Variants in TRPC4 observed in about 807,000 individuals in gnomAD.
TRPC4 encodes transient receptor potential cation channel subfamily C member 4.
In TRPC4, 49 loss-of-function variants were observed where a neutral mutation model predicts 99.4. The ratio of observed to expected loss-of-function variants is 0.49; its 90% CI spans 0.39 to 0.63. TRPC4 has a LOEUF of 0.63. TRPC4 is among the 20% of genes least tolerant of loss of function. TRPC4 has a pLI of 0.00. For missense variants in TRPC4, 898 were observed against 1,152.9 expected (o/e 0.78, Z 3.20); for synonymous variants, 454 against 425.9 (o/e 1.07, Z -0.81).
intron 3 of TRPC4, among the ~76,000 whole-genome samples, chr13:37,715,113 T>C (rs1954615524): frequency 6.6e-6 from 1 of 152,204 alleles, no homozygotes; most frequent in Non-Finnish European, 1.5e-5. Context: ...AGGAGTTTCA[T>C]GGTCTAAAGA....
At chr13:37,696,957 A>T (rs1328858114) in intron 3 of TRPC4, among the ~76,000 whole-genome samples, 2 of 146,262 alleles carry the variant, frequency 1.4e-5, no homozygotes, top group Non-Finnish European at 3.0e-5. Context: ...CATCTCCTAC[A>T]TCCCTCATGG....
intron 1 of TRPC4, among the ~76,000 whole-genome samples, chr13:37,863,178 G>A (rs1250590446): frequency 3.3e-5 from 5 of 151,572 alleles, no homozygotes; most frequent in South Asian, 2.1e-4. Context: ...TTCTCAGGAC[G>A]TATTTGATGT....
intron 3 of TRPC4, among the ~76,000 whole-genome samples, chr13:37,705,452 CA>C (rs368225833): frequency 0.029 from 4,408 of 151,702 alleles, 94 homozygotes; most frequent in Non-Finnish European, 0.045. Flanking sequence ...GTTATCACCA[CA>C]AAAAAAGATA....
intron 5 of TRPC4, among the ~76,000 whole-genome samples, chr13:37,671,990 C>T (rs1488076682): frequency 2.0e-5 from 3 of 152,222 alleles, no homozygotes; most frequent in Admixed American, 2.0e-4. Context: ...TACTGCTCCA[C>T]ATACCGTTTC....
chr13:37,673,631 C>G (rs1481741493), intron 5 of TRPC4, among the ~76,000 whole-genome samples: 2 of 152,040 alleles, frequency 1.3e-5, no homozygotes, highest in Admixed American at 1.3e-4. Flanking sequence ...CATGACAGAA[C>G]AAAAATGTTT....
intron 1 of TRPC4, among the ~76,000 whole-genome samples, chr13:37,826,823 T>C (rs952398237): frequency 1.3e-5 from 2 of 152,176 alleles, no homozygotes; most frequent in African/African-American, 2.4e-5. Flanking sequence ...TTGCCCTGCC[T>C]TGCTAGATTG....
chr13:37,678,628 C>G (rs1953136322), intron 4 of TRPC4, among the ~76,000 whole-genome samples: 1 of 151,918 alleles, frequency 6.6e-6, no homozygotes, highest in Non-Finnish European at 1.5e-5. Flanking sequence ...CTTCCAACAA[C>G]AAAAAAATTC....
At chr13:37,783,515 A>G (rs550516745) in intron 1 of TRPC4, among the ~76,000 whole-genome samples, 155 bp from the exon 2 acceptor site, 1 of 152,082 alleles carries the variant, frequency 6.6e-6, no homozygotes, top group East Asian at 1.9e-4. Context: ...TCAACAATAT[A>G]AATACTAAAT....
chr13:37,866,860 T>TGTA (rs1959788758), intron 1 of TRPC4, among the ~76,000 whole-genome samples: 1 of 78,692 alleles, frequency 1.3e-5, no homozygotes, highest in African/African-American at 5.2e-5. Context: ...GGGGGGCGGG[T>TGTA]ATAGGGTATA....
chr13:37,726,064 TG>T (rs1955045394), intron 3 of TRPC4, among the ~76,000 whole-genome samples: 1 of 151,882 alleles, frequency 6.6e-6, no homozygotes, highest in African/African-American at 2.4e-5. Context: ...GGCTTGGTGG[TG>T]GGCACCTGTT....
Position 37,632,412 on chromosome 13 carries a change from A to T in TRPC4, c.*4491T>A, listed in dbSNP as rs1437245148. Among the ~76,000 whole-genome samples, 1 of 152,222 alleles carries T rather than the reference A, an allele frequency of 6.6e-6. No homozygotes were observed. The highest frequency in any genetic ancestry group is 1.9e-4 in the East Asian group (1 of 5,204). ...TACATTATTTTCATACTGTCCTAGA[A>T]ATCTGGTGTGTGTTTCACACTTACA... is the stretch of plus-strand genomic sequence containing the variant. On this transcript the variant is annotated 3_prime_UTR_variant, in exon 11 of 11. Transcript: ENST00000379705.
intron 3 of TRPC4, among the ~76,000 whole-genome samples, 187 bp from the exon 4 acceptor site, chr13:37,692,522 C>T (rs1458750024): frequency 6.6e-6 from 1 of 152,140 alleles, no homozygotes; most frequent in Non-Finnish European, 1.5e-5. Context: ...ATTTATTCTA[C>T]CCAAGGCACA....
intron 1 of TRPC4, among the ~76,000 whole-genome samples, chr13:37,836,525 C>T (rs1447142971): frequency 2.6e-5 from 4 of 152,016 alleles, no homozygotes; most frequent in Admixed American, 2.0e-4. Context: ...GTAAAGGTGA[C>T]CGTTGTTATG....
chr13:37,789,559 T>A (rs1471995410), intron 1 of TRPC4, among the ~76,000 whole-genome samples: 1 of 152,178 alleles, frequency 6.6e-6, no homozygotes, highest in Non-Finnish European at 1.5e-5. Flanking sequence ...CTCTTAGAGT[T>A]TTACTCTGCC....
At chr13:37,817,334 C>A (rs1593248399) in intron 1 of TRPC4, among the ~76,000 whole-genome samples, 1 of 151,958 alleles carries the variant, frequency 6.6e-6, no homozygotes, top group African/African-American at 2.4e-5. Flanking sequence ...AAGACCTCTA[C>A]AAGGAGAGCT....
At chr13:37,730,747 G>A (rs12874443) in intron 3 of TRPC4, among the ~76,000 whole-genome samples, 2 of 151,778 alleles carry the variant, frequency 1.3e-5, no homozygotes, top group Non-Finnish European at 2.9e-5. Context: ...ATTTCTAAAC[G>A]AATTCCCACA....
chr13:37,847,053 A>G (rs1453433312), intron 1 of TRPC4, among the ~76,000 whole-genome samples: 2 of 152,122 alleles, frequency 1.3e-5, no homozygotes, highest in African/African-American at 4.8e-5. Flanking sequence ...ACATAAATAC[A>G]TAAAGCAATT....
chr13:37,692,521 A>G (rs1293255976), intron 3 of TRPC4, among the ~76,000 whole-genome samples, 186 bp from the exon 4 acceptor site: 1 of 152,210 alleles, frequency 6.6e-6, no homozygotes, highest in Non-Finnish European at 1.5e-5. Flanking sequence ...TATTTATTCT[A>G]CCCAAGGCAC....
At chr13:37,675,979 A>T (rs1182440069) in intron 4 of TRPC4, among the ~76,000 whole-genome samples, 1 of 152,168 alleles carries the variant, frequency 6.6e-6, no homozygotes, top group Non-Finnish European at 1.5e-5. Context: ...TTCCACCCTA[A>T]GCTGTGGCAT....
Sources: allele counts gnomAD v4.1 joint callset (sites outside exome capture counted in the v4.1 genomes callset), GRCh38; gene constraint gnomAD v4.1.1; transcripts MANE v1.5; gene names NCBI Gene and HGNC (gene_info 2026-07-23, HGNC 2026-07-21).